CSMD1: variants seen among roughly 807,000 people sequenced by gnomAD.
The protein encoded by CSMD1 is CUB and Sushi multiple domains 1.
A neutral mutation model predicts 417.5 loss-of-function variants in CSMD1; 213 were observed. The observed-to-expected ratio is 0.51, with a 90% CI of 0.46 to 0.57. CSMD1 has a LOEUF of 0.57. Among genes scored for constraint, CSMD1 ranks in the 20% least tolerant of loss-of-function variants. CSMD1 has a pLI of 0.00. For missense variants in CSMD1, 6,923 were observed against 4,529.7 expected (o/e 1.53, Z -15.17); for synonymous variants, 2,862 against 1,736.8 (o/e 1.65, Z -16.11).
chr8:4,565,693 C>G (rs963477727), intron 2 of CSMD1, among the ~76,000 whole-genome samples: 1 of 147,318 alleles, frequency 6.8e-6, no homozygotes, highest in Non-Finnish European at 1.5e-5. Flanking sequence ...TGGGATTGTG[C>G]CATTGCACTC....
chr8:4,004,911 A>AT (rs1468284924), intron 4 of CSMD1, among the ~76,000 whole-genome samples: 4 of 151,882 alleles, frequency 2.6e-5, no homozygotes, highest in South Asian at 2.1e-4. Flanking sequence ...TGCCCAGCTA[A>AT]TTTTTTGTAT....
chr8:3,882,515 G>A (rs1238055166), intron 5 of CSMD1, among the ~76,000 whole-genome samples: 1 of 152,176 alleles, frequency 6.6e-6, no homozygotes, highest in East Asian at 1.9e-4. Context: ...CCTCGGTTGA[G>A]CACATGCATA....
intron 54 of CSMD1, among the ~76,000 whole-genome samples, chr8:2,995,231 T>G (rs1240782868): frequency 6.6e-6 from 1 of 152,172 alleles, no homozygotes; most frequent in Non-Finnish European, 1.5e-5. Context: ...CATTAGGATG[T>G]GAGCAAAAGG....
At chr8:4,347,517 A>G (rs552683865) in intron 3 of CSMD1, among the ~76,000 whole-genome samples, 75 of 152,294 alleles carry the variant, frequency 4.9e-4, no homozygotes, top group Non-Finnish European at 6.9e-4. Context: ...TAATTTACCA[A>G]TGACATTACA....
chr8:4,501,253 G>A (rs1015085152), intron 2 of CSMD1, among the ~76,000 whole-genome samples: 1 of 152,028 alleles, frequency 6.6e-6, no homozygotes, highest in Non-Finnish European at 1.5e-5. Flanking sequence ...TTTACTGCTA[G>A]ATAGTTTATT....
At chr8:3,873,296 A>G (rs1805604669) in intron 5 of CSMD1, among the ~76,000 whole-genome samples, 2 of 152,172 alleles carry the variant, frequency 1.3e-5, no homozygotes, top group African/African-American at 2.4e-5. Context: ...AAGACATGGA[A>G]TCAACCTAAA....
At chr8:3,240,911 A>T (rs112476295) in intron 26 of CSMD1, among the ~76,000 whole-genome samples, 2 of 151,764 alleles carry the variant, frequency 1.3e-5, no homozygotes, top group South Asian at 2.1e-4. Context: ...TGTAGCAGGC[A>T]AGTGATAACA....
chr8:3,996,674 A>G (rs190207876), intron 5 of CSMD1, among the ~76,000 whole-genome samples: 46 of 152,308 alleles, frequency 3.0e-4, no homozygotes, highest in Non-Finnish European at 5.3e-4. Context: ...GTCCTGGCTA[A>G]TCTAAAAGTG....
At chr8:3,939,703 C>A (rs536614368) in intron 5 of CSMD1, among the ~76,000 whole-genome samples, 5 of 152,048 alleles carry the variant, frequency 3.3e-5, no homozygotes, top group Admixed American at 3.3e-4. Context: ...AAGGAAAAAA[C>A]AGTGCCTTTT....
chr8:3,843,082 C>G (rs566044774), intron 5 of CSMD1, among the ~76,000 whole-genome samples: 6 of 152,150 alleles, frequency 3.9e-5, no homozygotes, highest in African/African-American at 1.4e-4. Context: ...ATTTCAGTAT[C>G]GTTTTCTCTT....
intron 18 of CSMD1, among the ~76,000 whole-genome samples, chr8:3,372,174 T>C (rs1809998498): frequency 6.6e-6 from 1 of 152,110 alleles, no homozygotes; most frequent in Non-Finnish European, 1.5e-5. Flanking sequence ...ACTTAGGAAG[T>C]GGTCTATAAA....
At chr8:3,524,601 C>A (rs535674752) in intron 10 of CSMD1, among the ~76,000 whole-genome samples, 2 of 146,140 alleles carry the variant, frequency 1.4e-5, no homozygotes, top group East Asian at 2.1e-4. Flanking sequence ...GGACACACAT[C>A]CACACACATG....
chr8:4,247,398 C>G (rs1426486572), intron 3 of CSMD1, among the ~76,000 whole-genome samples: 1 of 152,160 alleles, frequency 6.6e-6, no homozygotes, highest in African/African-American at 2.4e-5. Context: ...GAATTGGTTG[C>G]ATCTCCAGCT....
intron 23 of CSMD1, among the ~76,000 whole-genome samples, chr8:3,316,295 A>G (rs1161020842): frequency 1.3e-5 from 2 of 152,194 alleles, no homozygotes. Context: ...TTACTTGCCA[A>G]TAAAAATAAA....
chr8:4,082,382 G>A (rs1800184805), intron 3 of CSMD1, among the ~76,000 whole-genome samples: 1 of 151,988 alleles, frequency 6.6e-6, no homozygotes, highest in Non-Finnish European at 1.5e-5. Context: ...GAGTTCTGCC[G>A]AGCATTTAAA....
rs183210551 is a variant in CSMD1, at chr8:4,883,335, G to C, written c.85+110997C>G. On this transcript the variant is annotated intron_variant, in intron 1 of 69. Transcript: ENST00000635120. ...TACCTCTATTTGGATATAATTATCA[G>C]ATATAATTTACATATCATAAAATTT... Among the ~76,000 whole-genome samples the C allele has an allele frequency of 1.6e-3, 239 of 152,172 alleles. 3 individuals are homozygous for C. The highest frequency in any genetic ancestry group is 5.7e-3 in the African/African-American group (235 of 41,476).
At chr8:4,680,020 A>G (rs10282918) in intron 1 of CSMD1, among the ~76,000 whole-genome samples, 78,403 of 151,986 alleles carry the variant, frequency 0.52, 20,392 homozygotes, top group Admixed American at 0.62. Flanking sequence ...CTCTTCAAGT[A>G]CTTTAATCTT....
chr8:3,881,653 CCAA>C (rs1234666736), intron 5 of CSMD1, among the ~76,000 whole-genome samples: 1 of 146,912 alleles, frequency 6.8e-6, no homozygotes, highest in African/African-American at 2.5e-5. Flanking sequence ...CAAACAAAAA[CCAA>C]CAACAACAAA....
At chr8:3,292,279 G>A (rs62503426) in intron 25 of CSMD1, among the ~76,000 whole-genome samples, 2 of 152,166 alleles carry the variant, frequency 1.3e-5, no homozygotes, top group African/African-American at 4.8e-5. Context: ...GGTGTGGTGT[G>A]GTGCTGAAAA....
Sources: gnomAD v4.1 joint callset for allele counts (sites outside exome capture counted in the v4.1 genomes callset) on GRCh38, gnomAD v4.1.1 for gene constraint, MANE v1.5 for transcripts, NCBI Gene and HGNC (gene_info 2026-07-23, HGNC 2026-07-21) for gene names.